CASKIN2: variants seen among roughly 807,000 people sequenced by gnomAD.
CASKIN2 encodes caskin-2.
A neutral mutation model predicts 107.1 loss-of-function variants in CASKIN2; 41 were observed. The observed-to-expected ratio is 0.38, with a 90% CI of 0.30 to 0.50. CASKIN2 has a LOEUF of 0.50. Among genes scored for constraint, CASKIN2 ranks in the 20% least tolerant of loss-of-function variants. The pLI is 0.92. For synonymous variants in CASKIN2, 724 were observed against 705.6 expected, an observed-to-expected ratio of 1.03 and a Z score of -0.41; for missense variants, 1,546 against 1,657.4, an observed-to-expected ratio of 0.93 and a Z score of 1.17.
chr17:75,505,511 G>A lies in CASKIN2; in HGVS notation c.930+46C>T, dbSNP rs1459662988. The A allele has an allele frequency of 1.3e-6, 2 of 1,568,168 alleles. No individual in the cohort carries two copies. Among genetic ancestry groups the A allele is most frequent in the Non-Finnish European group, 1.8e-6 (2 of 1,139,284 alleles). Reference sequence around the variant, plus strand: ...ATAGCAGGTGCCCAAATAAGTAACAGCAATCATTTGTATTTGCAAAGGAAT... The same window carrying A: ...ATAGCAGGTGCCCAAATAAGTAACAACAATCATTTGTATTTGCAAAGGAAT... On this transcript the variant is annotated intron_variant, in intron 10 of 19. Transcript: ENST00000321617. This position sits in a 1 kb window ranked among gnomAD's most constrained non-coding sequence, Gnocchi z 5.1.
rs151076677 is a variant in CASKIN2, at chr17:75,513,791, T to A, written c.14A>T (p.Gln5Leu). 1.9e-6 allele frequency: 3 copies of A among 1,613,714 alleles called. No individual in the cohort carries two copies. The highest frequency in any genetic ancestry group is 2.5e-6 in the Non-Finnish European group (3 of 1,179,990). Residue 5 changes from glutamine to leucine, a missense_variant, in exon 2 of 20, where the codon CAG (glutamine) becomes CTG (leucine). Coordinates refer to ENST00000321617, the MANE Select transcript of CASKIN2 (RefSeq NM_020753.5). ...ATTCTTGACGGCGAGGATCAGGTCC[T>A]GTTCACGACCCATACTGGCTCCTGG... MGRE[Q>L]DLILAVKNGD...
At position 75,506,939 on chromosome 17, in the gene CASKIN2, C is replaced by A; in HGVS notation, c.390+45G>T. 6.2e-7 allele frequency: 1 copy of A among 1,611,820 alleles called. No homozygotes were observed. Among genetic ancestry groups the A allele is most frequent in the Non-Finnish European group, 8.5e-7 (1 of 1,178,788 alleles). On this transcript the variant is annotated intron_variant, in intron 5 of 19. Coordinates refer to ENST00000321617, the MANE Select transcript of CASKIN2 (RefSeq NM_020753.5). The surrounding 1 kb of genome is among the most constrained non-coding windows in gnomAD (Gnocchi z 4.8). ...GTGAGGGGGCCTGGCCTGTCCGGCA[C>A]CCCACCCTGCCCTGCGCCACGCCCC...
Position 75,502,822 on chromosome 17 carries a change from G to A in CASKIN2, c.2252C>T (p.Pro751Leu). Residue 751 changes from proline to leucine, a missense_variant, in exon 18 of 20, where the codon CCC (proline) becomes CTC (leucine). Pro to Leu is a moderately conservative substitution (Grantham distance 98, BLOSUM62 -3). Around this residue, in one of 6 missense-constraint regions of CASKIN2, gnomAD observed 1,311 missense variants for 1,311.0 expected, o/e 1.00. Transcript: ENST00000321617. This position sits in a 1 kb window ranked among gnomAD's most constrained non-coding sequence, Gnocchi z 4.3. ...KLCSSLPGQG[P>L]PPYVFMYPQG... ...GGGGTACATAAAAACATAGGGTGGG[G>A]GTCCTTGGCCAGGAAGTGAAGAACA... 1.3e-6 allele frequency: 2 copies of A among 1,561,894 alleles called. No homozygotes were observed. Among genetic ancestry groups the A allele is most frequent in the Non-Finnish European group, 1.7e-6 (2 of 1,153,376 alleles).
rs767209836 is a variant in CASKIN2, at chr17:75,502,423, G to A, written c.2651C>T (p.Pro884Leu). 6.2e-5 allele frequency: 91 copies of A among 1,458,350 alleles called. No individual in the cohort carries two copies. The highest frequency in any genetic ancestry group is 2.9e-4 in the East Asian group (12 of 40,806). The allele number at this position is 1,458,350 out of a possible 1,614,324, so 90.3% of individuals were successfully genotyped here. The change falls in exon 18 of 20, where the codon CCG (proline) becomes CTG (leucine). Residue 884 changes from proline (P) to leucine (L), a missense_variant. Transcript: ENST00000321617. The surrounding 1 kb of genome is among the most constrained non-coding windows in gnomAD (Gnocchi z 4.3). ...GCTCTCATCTAGTGGAGGTGGCTCC[G>A]GGCTGGGGCCAGAGACGGAGCTGAG... Reference protein sequence around the residue: ...KRLSSVSGPSPEPPPLDESPG... With the variant: ...KRLSSVSGPSLEPPPLDESPG...
intron 4 of CASKIN2, 53 bp downstream of exon 4, chr17:75,507,531 G>T: frequency 7.3e-7 from 1 of 1,367,938 alleles, no homozygotes; most frequent in Non-Finnish European, 1.0e-6. Context: ...CCAGGGTCTG[G>T]GTAGGGCCCC....
At chr17:75,512,551 G>C (rs1450674609) in intron 2 of CASKIN2, among the ~76,000 whole-genome samples, 1 of 152,184 alleles carries the variant, frequency 6.6e-6, no homozygotes, top group Non-Finnish European at 1.5e-5. Context: ...CAGGGGAAGA[G>C]AAACTTTAGC....
chr17:75,513,245 G>C (rs1202046166), intron 2 of CASKIN2, among the ~76,000 whole-genome samples: 1 of 152,034 alleles, frequency 6.6e-6, no homozygotes, highest in Non-Finnish European at 1.5e-5. Flanking sequence ...TTCGAGACCA[G>C]TCTGGTCAAC....
chr17:75,508,192 C>G, intron 3 of CASKIN2, 42 bp downstream of exon 3: 1 of 1,610,604 alleles, frequency 6.2e-7, no homozygotes, highest in Non-Finnish European at 8.5e-7. Flanking sequence ...CTCTACTGCC[C>G]CCACCCAGCA....
chr17:75,500,935 G>T lies in CASKIN2; in HGVS notation c.*145C>A, dbSNP rs1335140644. On this transcript the variant is annotated 3_prime_UTR_variant, in exon 20 of 20. Coordinates refer to ENST00000321617, the MANE Select transcript of CASKIN2 (RefSeq NM_020753.5). ...CACAAGAGCTGTGGTGCCCACAGCC[G>T]CGGGCTGAGTGGGAAGGGGCCCTGC... The T allele has an allele frequency of 1.1e-5, 8 of 735,180 alleles. No homozygotes were observed. Among genetic ancestry groups the T allele is most frequent in the Admixed American group, 2.3e-5 (1 of 42,858 alleles). 45.5% of individuals were successfully genotyped at this position (735,180 alleles called of 1,614,324 possible).
At position 75,506,745 on chromosome 17, in the gene CASKIN2, T is replaced by C. The variant is rs1461251154; in HGVS notation, c.487-32A>G. ...CACCCAGTGCCCAGTTAGAGCCTCCTCCTGAGACCCTGTAGATGTCCAGGA... is the reference window on the plus strand; with the variant it reads ...CACCCAGTGCCCAGTTAGAGCCTCCCCCTGAGACCCTGTAGATGTCCAGGA... On this transcript the variant is annotated intron_variant, in intron 6 of 19. Transcript: ENST00000321617. This position sits in a 1 kb window ranked among gnomAD's most constrained non-coding sequence, Gnocchi z 4.8. 1 of 1,613,662 alleles carries C rather than the reference T, an allele frequency of 6.2e-7. No individual in the cohort carries two copies. The highest frequency in any genetic ancestry group is 8.5e-7 in the Non-Finnish European group (1 of 1,179,970).
intron 19 of CASKIN2, 125 bp downstream of exon 19, chr17:75,501,343 C>G (rs1489712621): frequency 8.0e-7 from 1 of 1,257,800 alleles, no homozygotes; most frequent in Admixed American, 2.0e-5. Flanking sequence ...ATTTCAACAC[C>G]TGGCCTCTTA....
chr17:75,501,971 T>A lies in CASKIN2; in HGVS notation c.3103A>T (p.Ser1035Cys). The change falls in exon 18 of 20, where the codon AGC becomes TGC. Residue 1035 changes from serine to cysteine, a missense_variant. By Grantham distance (112) the Ser-to-Cys change is moderately radical. Coordinates refer to ENST00000321617, the MANE Select transcript of CASKIN2 (RefSeq NM_020753.5). ...PTPGESPPAS[S>C]LPQPEPSSLP... ...CTGCTGGGCTCGGGCTGGGGAAGGC[T>A]AGAAGCTGGAGGAGACTCGCCAGGA... is the stretch of plus-strand genomic sequence containing the variant. 1.2e-6 allele frequency: 2 copies of A among 1,610,568 alleles called. No homozygotes were observed. The highest frequency in any genetic ancestry group is 1.7e-6 in the Non-Finnish European group (2 of 1,178,300).
chr17:75,513,841 A>G lies in CASKIN2; in HGVS notation c.-37T>C. 2 of 1,594,698 alleles carry G rather than the reference A, an allele frequency of 1.3e-6. No individual in the cohort carries two copies. Among genetic ancestry groups the G allele is most frequent in the Non-Finnish European group, 1.7e-6 (2 of 1,164,616 alleles). On this transcript the variant is annotated 5_prime_UTR_variant, in exon 2 of 20. Coordinates refer to ENST00000321617, the MANE Select transcript of CASKIN2 (RefSeq NM_020753.5). ...GGCTGAGCTCTACACTCAGGAGTCCAGGGCAAAGGCAGGCAACGGGTCCAA... is the reference window on the plus strand; with the variant it reads ...GGCTGAGCTCTACACTCAGGAGTCCGGGGCAAAGGCAGGCAACGGGTCCAA...
rs1169353233 is a variant in CASKIN2 at position 75,505,638 on chromosome 17, G to A, written c.849C>T (p.Ile283=). ...AATCCTTGAGCGCTCGGACCTTCAG[G>A]ATCCCTGAGGCCTCTAAGAAAACGG... ...IKQLLREASG[I]LKVRALKDFW... The change falls in exon 10 of 20, where the codon ATC becomes ATT. Residue 283 remains isoleucine, a synonymous_variant. Coordinates refer to ENST00000321617, the MANE Select transcript of CASKIN2 (RefSeq NM_020753.5). This position sits in a 1 kb window ranked among gnomAD's most constrained non-coding sequence, Gnocchi z 5.1. 2 of 1,613,112 alleles carry A rather than the reference G, an allele frequency of 1.2e-6. No individual in the cohort carries two copies. Among genetic ancestry groups the A allele is most frequent in the South Asian group, 2.2e-5 (2 of 91,066 alleles).
At position 75,500,728 on chromosome 17, in the gene CASKIN2, C is replaced by T. The variant is rs1297083193; in HGVS notation, c.*352G>A. On this transcript the variant is annotated 3_prime_UTR_variant, in exon 20 of 20. Transcript: ENST00000321617. ...CCCTTGGCACAACTTGGGACATGGG[C>T]TGGGGGGTACAGAGAAAGCACCCCC... 2.0e-5 allele frequency: 6 copies of T among 297,726 alleles called. No homozygotes were observed. Among genetic ancestry groups the T allele is most frequent in the Admixed American group, 1.9e-4 (4 of 20,760 alleles). The allele number at this position is 297,726 out of a possible 1,614,324, so 18.4% of individuals were successfully genotyped here. A position where few individuals can be genotyped will look rare whatever the true frequency, so the allele number is the denominator to read the frequency against.
In CASKIN2 at chr17:75,502,913, C is replaced by G. The variant is rs955210900; in HGVS notation, c.2161G>C (p.Gly721Arg). ...TCCTGGGGGGGGCTGGGATCTCCAC[C>G]GCTGGGCTGTGGGGCAGGCTGTTCC... is the stretch of plus-strand genomic sequence containing the variant. ...SQEQPAPQPS[G>R]GDPSPPQERN... is the part of the protein sequence containing the mutation. Residue 721 changes from glycine (G) to arginine (R), a missense_variant, in exon 18 of 20, where the codon GGT becomes CGT. By Grantham distance (125) the Gly-to-Arg change is moderately radical. Coordinates refer to ENST00000321617, the MANE Select transcript of CASKIN2 (RefSeq NM_020753.5). This position sits in a 1 kb window ranked among gnomAD's most constrained non-coding sequence, Gnocchi z 4.3. 6.4e-7 allele frequency: 1 copy of G among 1,558,256 alleles called. No homozygotes were observed. The highest frequency in any genetic ancestry group is 8.7e-7 in the Non-Finnish European group (1 of 1,150,894).
At chr17:75,510,110 G>A (rs1334777997) in intron 2 of CASKIN2, among the ~76,000 whole-genome samples, 1 of 152,220 alleles carries the variant, frequency 6.6e-6, no homozygotes, top group African/African-American at 2.4e-5. Context: ...GGTGGCTCCT[G>A]ATTTAGGCTC....
intron 4 of CASKIN2, among the ~76,000 whole-genome samples, chr17:75,507,335 G>A (rs1434260124): frequency 1.3e-5 from 2 of 152,188 alleles, no homozygotes; most frequent in African/African-American, 4.8e-5. Flanking sequence ...GGATCATGAT[G>A]ACCCCAGGAC....
chr17:75,505,614 A>G lies in CASKIN2; in HGVS notation c.873T>C (p.Asp291=). 1 of 1,613,416 alleles carries G rather than the reference A, an allele frequency of 6.2e-7. No individual in the cohort carries two copies. Among genetic ancestry groups the G allele is most frequent in the Non-Finnish European group, 8.5e-7 (1 of 1,179,962 alleles). The change falls in exon 10 of 20, where the codon GAT becomes GAC. Residue 291 remains aspartate (D), a synonymous_variant. Coordinates refer to ENST00000321617, the MANE Select transcript of CASKIN2 (RefSeq NM_020753.5). The surrounding 1 kb of genome is among the most constrained non-coding windows in gnomAD (Gnocchi z 5.1). The part of the protein sequence containing the change: ...SGILKVRALK[D]FWNLHDPTAL... ...CAGTGGGATCGTGGAGGTTCCAGAA[A>G]TCCTTGAGCGCTCGGACCTTCAGGA...
Sources: allele counts gnomAD v4.1 joint callset (sites outside exome capture counted in the v4.1 genomes callset), GRCh38; gene constraint gnomAD v4.1.1; regional missense constraint gnomAD v4.1.1; non-coding constraint Gnocchi (gnomAD v3.1); transcripts MANE v1.5; gene names NCBI Gene and HGNC (gene_info 2026-07-23, HGNC 2026-07-21).